Variants in RIN3 observed in about 807,000 individuals in gnomAD.
The protein encoded by RIN3 is RAB5 interacting protein 3.
RIN3 carries 54 observed loss-of-function variants against 76.3 expected under a neutral mutation model. That is an observed-to-expected ratio of 0.71 (90% CI 0.57 to 0.89). The LOEUF is 0.89. Ranked by LOEUF, RIN3 falls within the 40% of genes least tolerant of loss-of-function variation. The pLI, the probability that RIN3 is intolerant of heterozygous loss-of-function variation, is 0.00. For synonymous variants in RIN3, 576 were observed against 564.0 expected, an observed-to-expected ratio of 1.02 and a Z score of -0.30; for missense variants, 1,256 against 1,322.1, an observed-to-expected ratio of 0.95 and a Z score of 0.78.
intron 1 of RIN3, among the ~76,000 whole-genome samples, chr14:92,537,800 C>T (rs538965877): frequency 5.1e-4 from 76 of 150,380 alleles, no homozygotes; most frequent in African/African-American, 1.8e-3. Flanking sequence ...TACAGGTGCA[C>T]GCCACCACGC....
In RIN3 at chr14:92,618,728, C is replaced by A. The variant is rs145751984; in HGVS notation, c.440+3249C>A. Among the ~76,000 whole-genome samples the A allele has an allele frequency of 3.5e-3, 527 of 152,148 alleles. 2 individuals carry two copies. Among genetic ancestry groups the A allele is most frequent in the Non-Finnish European group, 5.3e-3 (361 of 67,986 alleles). ...TGTACCTGAAGCTTTAATTGTTTTC[C>A]CAGGAATATGGGATCAAACATTGGT... On this transcript the variant is annotated intron_variant, in intron 4 of 9. Coordinates refer to ENST00000216487, the MANE Select transcript of RIN3 (RefSeq NM_024832.5).
chr14:92,514,151 G>A lies in RIN3; in HGVS notation c.44+175G>A, dbSNP rs531010964. 5.6e-4 allele frequency among the ~76,000 whole-genome samples: 86 copies of A among 152,344 alleles called. No individual in the cohort carries two copies. The South Asian group carries it at 0.018, about 31-fold the overall frequency. On this transcript the variant is annotated intron_variant, in intron 1 of 9. Transcript: ENST00000216487. The surrounding 1 kb of genome is among the most constrained non-coding windows in gnomAD (Gnocchi z 7.2). ...AGAACCTGGTTCTGCGGGGCAGGGG[G>A]CGGCCCTGGTGACTCCGCTGGACCC...
intron 7 of RIN3, among the ~76,000 whole-genome samples, chr14:92,670,144 G>C (rs1475709303): frequency 1.3e-5 from 2 of 151,748 alleles, no homozygotes; most frequent in Non-Finnish European, 2.9e-5. Context: ...TTCACTGTCT[G>C]GGTGACCCAG....
intron 1 of RIN3, among the ~76,000 whole-genome samples, chr14:92,553,243 C>T (rs1362065567): frequency 2.0e-5 from 3 of 152,006 alleles, no homozygotes; most frequent in African/African-American, 7.2e-5. Context: ...CTAACTGGCC[C>T]GGGGGAGGCT....
chr14:92,620,608 A>C (rs192886853), intron 4 of RIN3, among the ~76,000 whole-genome samples: 2 of 152,360 alleles, frequency 1.3e-5, no homozygotes, highest in African/African-American at 4.8e-5. Context: ...GGAACTAAAA[A>C]AAATCATAGT....
At position 92,652,910 on chromosome 14, in the gene RIN3, C is replaced by T; in HGVS notation, c.1861C>T (p.Gln621Ter). ...DKGSYFGSLV[Q>*]DYKVYSLEMM... ...GGGCTCGTACTTTGGCAGCCTGGTGCAGGACTACAAGGTGTACAGCCTGGA... is the reference window on the plus strand; with the variant it reads ...GGGCTCGTACTTTGGCAGCCTGGTGTAGGACTACAAGGTGTACAGCCTGGA... Residue 621 changes from glutamine to a stop codon, truncating the protein, a stop_gained, in exon 6 of 10, where the codon CAG becomes TAG. Coordinates refer to ENST00000216487, the MANE Select transcript of RIN3 (RefSeq NM_024832.5). LOFTEE classifies it high-confidence loss of function. The surrounding 1 kb of genome is among the most constrained non-coding windows in gnomAD (Gnocchi z 6.4). The T allele has an allele frequency of 6.2e-7, 1 of 1,614,032 alleles. No homozygotes were observed. Among genetic ancestry groups the T allele is most frequent in the Non-Finnish European group, 8.5e-7 (1 of 1,180,036 alleles).
chr14:92,545,030 G>A (rs549849529), intron 1 of RIN3, among the ~76,000 whole-genome samples: 3 of 149,750 alleles, frequency 2.0e-5, no homozygotes, highest in Non-Finnish European at 4.4e-5. Context: ...TCCGTAATTT[G>A]CTTATTTCAC....
chr14:92,535,523 G>GT (rs1222250001), intron 1 of RIN3, among the ~76,000 whole-genome samples: 1 of 151,822 alleles, frequency 6.6e-6, no homozygotes, highest in Non-Finnish European at 1.5e-5. Context: ...AGATTGGCGG[G>GT]TGTGGGTGTG....
intron 7 of RIN3, among the ~76,000 whole-genome samples, chr14:92,665,443 A>G (rs1179134272): frequency 2.2e-5 from 3 of 138,436 alleles, no homozygotes; most frequent in Non-Finnish European, 4.5e-5. Flanking sequence ...CAGTGGCGCA[A>G]TCTCGGCTCA....
intron 7 of RIN3, among the ~76,000 whole-genome samples, chr14:92,665,033 A>G (rs1225731191): frequency 2.6e-5 from 4 of 152,238 alleles, no homozygotes; most frequent in Non-Finnish European, 4.4e-5. Flanking sequence ...TGGAAATAGA[A>G]TCTGAGGAGT....
intron 2 of RIN3, among the ~76,000 whole-genome samples, chr14:92,576,676 G>T (rs1898246303): frequency 3.3e-5 from 5 of 152,186 alleles, no homozygotes; most frequent in Admixed American, 3.3e-4. Flanking sequence ...TGGAGGAGGG[G>T]ACGTCCTGTT....
intron 3 of RIN3, among the ~76,000 whole-genome samples, chr14:92,603,692 G>T (rs929344211): frequency 6.6e-6 from 1 of 152,204 alleles, no homozygotes; most frequent in Non-Finnish European, 1.5e-5. Context: ...ACTCAGGCTG[G>T]CATGGGGTTG....
chr14:92,593,325 A>G (rs752476290), intron 3 of RIN3, among the ~76,000 whole-genome samples: 1 of 152,238 alleles, frequency 6.6e-6, no homozygotes, highest in Non-Finnish European at 1.5e-5. Context: ...AGCAATATCA[A>G]TATCACTTTG....
At chr14:92,548,704 A>G (rs1419094174) in intron 1 of RIN3, among the ~76,000 whole-genome samples, 2 of 152,102 alleles carry the variant, frequency 1.3e-5, no homozygotes, top group Non-Finnish European at 2.9e-5. Flanking sequence ...TCCTTCTTAT[A>G]GGGACACCTC....
chr14:92,626,849 G>T (rs556286249), intron 4 of RIN3, among the ~76,000 whole-genome samples: 1 of 152,212 alleles, frequency 6.6e-6, no homozygotes, highest in South Asian at 2.1e-4. Flanking sequence ...ATTCTTTAGG[G>T]GAAAGAGGAG....
At chr14:92,654,322 A>G (rs990256777) in intron 6 of RIN3, among the ~76,000 whole-genome samples, 17 of 126,816 alleles carry the variant, frequency 1.3e-4, no homozygotes, top group Admixed American at 2.5e-4. Flanking sequence ...CTAAAAAAAA[A>G]AAAAGAAAAG....
In RIN3 at chr14:92,648,526, T is replaced by C. The variant is rs1887284191; in HGVS notation, c.533-3056T>C. Among the ~76,000 whole-genome samples, 1 of 152,202 alleles carries C rather than the reference T, an allele frequency of 6.6e-6. No individual in the cohort carries two copies. The highest frequency in any genetic ancestry group is 2.4e-5 in the African/African-American group (1 of 41,462). On this transcript the variant is annotated intron_variant, in intron 5 of 9. Coordinates refer to ENST00000216487, the MANE Select transcript of RIN3 (RefSeq NM_024832.5). This position sits in a 1 kb window ranked among gnomAD's most constrained non-coding sequence, Gnocchi z 4.1. ...CCTCCCATGGTTCAGGTTGTCCCCATCTTGCCCTTGAAACTAACCTTGCCT... is the reference window on the plus strand; with the variant it reads ...CCTCCCATGGTTCAGGTTGTCCCCACCTTGCCCTTGAAACTAACCTTGCCT...
rs546929544 is a variant in RIN3 at position 92,580,041 on chromosome 14, A to G, written c.367+2564A>G. ...AGAAGCAGGTTACCTTTCCTGCTAT[A>G]AGGAGGTCTTTCCGCAGAGACCCAG... is the stretch of plus-strand genomic sequence containing the variant. On this transcript the variant is annotated intron_variant, in intron 3 of 9. Coordinates refer to ENST00000216487, the MANE Select transcript of RIN3 (RefSeq NM_024832.5). 2.0e-5 allele frequency among the ~76,000 whole-genome samples: 3 copies of G among 152,248 alleles called. No individual in the cohort carries two copies. In the South Asian group the frequency reaches 6.2e-4, roughly 32 times the overall value.
intron 4 of RIN3, among the ~76,000 whole-genome samples, chr14:92,620,678 C>A (rs1886143551): frequency 6.6e-6 from 1 of 152,096 alleles, no homozygotes; most frequent in Non-Finnish European, 1.5e-5. Context: ...TGAATGAAAA[C>A]TAGAAGTCAA....
Sources: gnomAD v4.1 joint callset for allele counts (sites outside exome capture counted in the v4.1 genomes callset) on GRCh38, gnomAD v4.1.1 for gene constraint, Gnocchi (gnomAD v3.1) non-coding constraint, MANE v1.5 for transcripts, NCBI Gene and HGNC (gene_info 2026-07-23, HGNC 2026-07-21) for gene names.